The following HEATR5B variants were observed in gnomAD, a reference collection of about 807,000 sequenced individuals.
The protein encoded by HEATR5B is HEAT repeat containing 5B, also known as HEAT repeat-containing protein 5B.
Under a neutral mutation model 224.1 loss-of-function variants are expected in HEATR5B, and 156 were observed. The ratio of observed to expected loss-of-function variants is 0.70; its 90% CI spans 0.61 to 0.80. The LOEUF is 0.80. Ranked by LOEUF, HEATR5B falls within the 30% of genes least tolerant of loss-of-function variation. The probability of loss-of-function intolerance (pLI) is 0.00; values close to 1 mark genes in which losing one functional copy is unlikely to be tolerated. For missense variants in HEATR5B, 2,323 were observed against 2,535.5 expected, an observed-to-expected ratio of 0.92 and a Z score of 1.80; for synonymous variants, 1,027 against 893.0, an observed-to-expected ratio of 1.15 and a Z score of -2.68.
At chr2:37,067,262 G>A (rs1289973694) in intron 8 of HEATR5B, among the ~76,000 whole-genome samples, 4 of 152,148 alleles carry the variant, frequency 2.6e-5, no homozygotes, top group Non-Finnish European at 5.9e-5. Flanking sequence ...CTGAGGATAG[G>A]TGCTGTATGC....
chr2:37,065,529 G>A (rs1157010402), intron 9 of HEATR5B, among the ~76,000 whole-genome samples: 1 of 152,064 alleles, frequency 6.6e-6, no homozygotes, highest in Non-Finnish European at 1.5e-5. Flanking sequence ...GGATGGTCTT[G>A]AACTCCCGAT....
chr2:37,049,322 G>C (rs1300808938), intron 18 of HEATR5B, among the ~76,000 whole-genome samples: 1 of 152,206 alleles, frequency 6.6e-6, no homozygotes, highest in East Asian at 1.9e-4. Flanking sequence ...GACAAGGAAA[G>C]GGAGGGAGGA....
At chr2:37,051,635 C>A (rs1172352698) in intron 17 of HEATR5B, among the ~76,000 whole-genome samples, 2 of 152,194 alleles carry the variant, frequency 1.3e-5, no homozygotes, top group Non-Finnish European at 1.5e-5. Flanking sequence ...ACCACGACCA[C>A]CCCACTCCTT....
At chr2:37,056,288 A>G in intron 16 of HEATR5B, 152 bp downstream of exon 16, 2 of 502,578 alleles carry the variant, frequency 4.0e-6, no homozygotes, top group Non-Finnish European at 6.8e-6. Context: ...TTTATCATGT[A>G]TCTGTCACTT....
In HEATR5B at chr2:37,005,768, C is replaced by G; in HGVS notation, c.4778-9G>C. On this transcript the variant is annotated splice_polypyrimidine_tract_variant and intron_variant, in intron 29 of 35. Coordinates refer to ENST00000233099, the MANE Select transcript of HEATR5B (RefSeq NM_019024.3). ...AAACTGTATACTCACACCTGAAATG[C>G]ACAAAATAAAAACATGTTTTTTCAC... 1 of 1,558,900 alleles carries G rather than the reference C, an allele frequency of 6.4e-7. No individual in the cohort carries two copies.
intron 35 of HEATR5B, 99 bp downstream of exon 35, chr2:36,988,547 C>T (rs1666102474): frequency 2.0e-6 from 2 of 1,021,274 alleles, no homozygotes; most frequent in East Asian, 2.6e-5. Context: ...AAAGTGTAAG[C>T]CACTGCGCCC....
At chr2:37,025,072 T>C (rs1418819358) in intron 24 of HEATR5B, among the ~76,000 whole-genome samples, 2 of 152,298 alleles carry the variant, frequency 1.3e-5, no homozygotes, top group Non-Finnish European at 2.9e-5. Context: ...ATGAAGATGA[T>C]AGAGGAGAGC....
At chr2:37,024,599 A>C (rs1668656051) in intron 24 of HEATR5B, among the ~76,000 whole-genome samples, 1 of 152,198 alleles carries the variant, frequency 6.6e-6, no homozygotes, top group African/African-American at 2.4e-5. Context: ...AAAAATTGAG[A>C]AACAAACAAA....
In HEATR5B at chr2:36,981,441, T is replaced by G; in HGVS notation, c.*49A>C. The G allele has an allele frequency of 1.4e-6, 2 of 1,437,996 alleles. No individual in the cohort carries two copies. The highest frequency in any genetic ancestry group is 1.9e-6 in the Non-Finnish European group (2 of 1,052,370). 89.1% of individuals were successfully genotyped at this position (1,437,996 alleles called of 1,614,324 possible). ...CCTGGAATGATACAGTGGCCATCAC[T>G]AATTAGGGGCTAGTTGACAACATAA... is the stretch of plus-strand genomic sequence containing the variant. On this transcript the variant is annotated 3_prime_UTR_variant, in exon 36 of 36. Transcript: ENST00000233099.
intron 32 of HEATR5B, among the ~76,000 whole-genome samples, chr2:37,001,658 T>A (rs1667098149): frequency 2.0e-5 from 3 of 150,768 alleles, no homozygotes; most frequent in Admixed American, 6.6e-5. Flanking sequence ...TTCTTCAGAG[T>A]TTTTCTTTTT....
At chr2:36,999,994 G>A (rs192168864) in intron 33 of HEATR5B, among the ~76,000 whole-genome samples, 16 of 151,680 alleles carry the variant, frequency 1.1e-4, no homozygotes, top group African/African-American at 2.9e-4. Flanking sequence ...TCTGGGTGAC[G>A]GAGCGAGACT....
chr2:37,040,987 A>G, intron 19 of HEATR5B, 146 bp downstream of exon 19: 1 of 624,698 alleles, frequency 1.6e-6, no homozygotes, highest in Non-Finnish European at 2.7e-6. Context: ...AGGCTGATAA[A>G]CAAAATCTTG....
intron 3 of HEATR5B, among the ~76,000 whole-genome samples, chr2:37,077,567 C>T (rs1254446501): frequency 6.6e-6 from 1 of 152,250 alleles, no homozygotes; most frequent in Non-Finnish European, 1.5e-5. Flanking sequence ...CTCGGCCTCC[C>T]AAAGTGTTGG....
At position 37,005,843 on chromosome 2, in the gene HEATR5B, T is replaced by G. The variant is rs1208399224; in HGVS notation, c.4778-84A>C. The G allele has an allele frequency of 2.0e-5, 21 of 1,072,412 alleles. No homozygotes were observed. The East Asian group carries it at 2.6e-4, about 13-fold the overall frequency. 66.4% of individuals were successfully genotyped at this position (1,072,412 alleles called of 1,614,324 possible). A position where few individuals can be genotyped will look rare whatever the true frequency, so the allele number is the denominator to read the frequency against. On this transcript the variant is annotated intron_variant, in intron 29 of 35. Transcript: ENST00000233099. ...ATCCCATATTTCTTCTCTATTTATG[T>G]TTTTACAGATTACCTTAACATGTAT...
chr2:37,064,068 C>A (rs1245472752), intron 10 of HEATR5B, among the ~76,000 whole-genome samples: 3 of 152,158 alleles, frequency 2.0e-5, no homozygotes, highest in Non-Finnish European at 2.9e-5. Flanking sequence ...CCTGCCTCGG[C>A]CTCTCAAAGT....
At chr2:37,005,505 G>A (rs1285753853) in intron 30 of HEATR5B, 127 bp downstream of exon 30, 11 of 815,436 alleles carry the variant, frequency 1.3e-5, no homozygotes, top group Middle Eastern at 7.2e-4. Flanking sequence ...ATAAATACAG[G>A]GAGTCAGTGT....
intron 24 of HEATR5B, among the ~76,000 whole-genome samples, chr2:37,025,279 C>A (rs1222405168): frequency 6.6e-6 from 1 of 151,946 alleles, no homozygotes; most frequent in Non-Finnish European, 1.5e-5. Flanking sequence ...ACATGAACAA[C>A]AGAGAACATG....
chr2:37,033,380 A>G (rs1206029202), intron 21 of HEATR5B, among the ~76,000 whole-genome samples: 1 of 152,182 alleles, frequency 6.6e-6, no homozygotes, highest in East Asian at 1.9e-4. Flanking sequence ...AAAAATCCAG[A>G]AGGATCTTCT....
At chr2:36,986,313 A>G (rs1289599284) in intron 35 of HEATR5B, among the ~76,000 whole-genome samples, 1 of 152,158 alleles carries the variant, frequency 6.6e-6, no homozygotes, top group Non-Finnish European at 1.5e-5. Context: ...GACTTTCCCA[A>G]TTTTGATGTT....
Sources: allele counts gnomAD v4.1 joint callset (sites outside exome capture counted in the v4.1 genomes callset), GRCh38; gene constraint gnomAD v4.1.1; transcripts MANE v1.5; gene names NCBI Gene and HGNC (gene_info 2026-07-23, HGNC 2026-07-21).